HDAC9: variants seen among roughly 807,000 people sequenced by gnomAD.
HDAC9 encodes the protein histone deacetylase 9.
A neutral mutation model predicts 139.4 loss-of-function variants in HDAC9; 41 were observed. The observed-to-expected ratio is 0.29, with a 90% CI of 0.23 to 0.38. The LOEUF is 0.38. HDAC9 is among the 10% of genes least tolerant of loss of function. The probability of loss-of-function intolerance (pLI) is 1.00; values close to 1 mark genes in which losing one functional copy is unlikely to be tolerated. For synonymous variants in HDAC9, 517 were observed against 476.2 expected (o/e 1.09, Z -1.12); for missense variants, 1,147 against 1,297.0 (o/e 0.88, Z 1.78).
chr7:18,964,136 A>G (rs931304017), intron 24 of HDAC9, among the ~76,000 whole-genome samples: 9 of 152,078 alleles, frequency 5.9e-5, no homozygotes, highest in Admixed American at 1.3e-4. Context: ...GAAACTTACA[A>G]TTACCAAACC....
At chr7:18,385,482 A>G (rs1031618188) in intron 1 of HDAC9, among the ~76,000 whole-genome samples, 4 of 152,218 alleles carry the variant, frequency 2.6e-5, no homozygotes, top group Non-Finnish European at 4.4e-5. Context: ...TTGGAAAGAT[A>G]CATCACTATA....
chr7:18,335,586 A>G (rs1223881014), intron 1 of HDAC9, among the ~76,000 whole-genome samples: 2 of 151,578 alleles, frequency 1.3e-5, no homozygotes, highest in African/African-American at 2.4e-5. Flanking sequence ...AGATAACTTT[A>G]ATTTTAGACA....
At chr7:18,314,973 C>T (rs761438668) in intron 1 of HDAC9, among the ~76,000 whole-genome samples, 61 of 152,278 alleles carry the variant, frequency 4.0e-4, no homozygotes, top group African/African-American at 7.0e-4. Flanking sequence ...AAGGTTCTGT[C>T]TTCAATGGTT....
At chr7:18,568,234 CTT>C (rs1311603614) in intron 2 of HDAC9, among the ~76,000 whole-genome samples, 2 of 151,838 alleles carry the variant, frequency 1.3e-5, no homozygotes, top group African/African-American at 4.8e-5. Context: ...ACTCCTGAAT[CTT>C]TTACTATGGA....
chr7:18,687,399 G>A (rs1281946498), intron 12 of HDAC9, among the ~76,000 whole-genome samples: 1 of 151,736 alleles, frequency 6.6e-6, no homozygotes, highest in Non-Finnish European at 1.5e-5. Context: ...GATATTCAAA[G>A]GTGTATGATA....
chr7:18,415,548 T>C (rs1279825013), intron 1 of HDAC9, among the ~76,000 whole-genome samples: 1 of 152,244 alleles, frequency 6.6e-6, no homozygotes, highest in East Asian at 1.9e-4. Flanking sequence ...AATTATCTTT[T>C]TGGTCTGCTT....
At chr7:18,713,687 C>A (rs1784503942) in intron 12 of HDAC9, among the ~76,000 whole-genome samples, 1 of 151,786 alleles carries the variant, frequency 6.6e-6, no homozygotes, top group South Asian at 2.1e-4. Flanking sequence ...TAAGAAAAAT[C>A]AACATGTGCA....
chr7:18,433,608 T>G (rs1385872875), intron 1 of HDAC9, among the ~76,000 whole-genome samples: 1 of 152,158 alleles, frequency 6.6e-6, no homozygotes, highest in East Asian at 1.9e-4. Flanking sequence ...TCAGTAGCAC[T>G]TCTGTACACC....
intron 1 of HDAC9, among the ~76,000 whole-genome samples, chr7:18,090,067 T>C (rs1782044204): frequency 6.6e-6 from 1 of 152,238 alleles, no homozygotes; most frequent in Admixed American, 6.5e-5. Flanking sequence ...CCCAGTTTGT[T>C]ATTATAATTC....
rs147383456 is a variant in HDAC9, at chr7:18,684,579, A to T, written c.1731+18103A>T. On this transcript the variant is annotated intron_variant, in intron 12 of 25. Transcript: ENST00000686413. Reference sequence around the variant, plus strand: ...GCATCTTCTGATGAACTGTGTCCTAATGAGTGTGAATGGATACCTTTGAGC... The same window carrying T: ...GCATCTTCTGATGAACTGTGTCCTATTGAGTGTGAATGGATACCTTTGAGC... Among the ~76,000 whole-genome samples the T allele has an allele frequency of 3.9e-3, 586 of 152,078 alleles. 3 individuals are homozygous for T. Among genetic ancestry groups the T allele is most frequent in the Middle Eastern group, 0.02 (6 of 294 alleles).
chr7:18,948,386 T>A (rs1192531972), intron 23 of HDAC9, among the ~76,000 whole-genome samples: 1 of 152,022 alleles, frequency 6.6e-6, no homozygotes, highest in Non-Finnish European at 1.5e-5. Context: ...TAATTAAAAA[T>A]CAGTGAAAAT....
intron 17 of HDAC9, among the ~76,000 whole-genome samples, chr7:18,799,062 C>G (rs1215981916): frequency 1.1e-4 from 17 of 150,498 alleles, no homozygotes. Flanking sequence ...CACACACACA[C>G]ACACACACAC....
At chr7:18,360,798 T>A (rs376501419) in intron 1 of HDAC9, among the ~76,000 whole-genome samples, 3 of 152,240 alleles carry the variant, frequency 2.0e-5, no homozygotes, top group African/African-American at 7.2e-5. Context: ...GACATTTTTT[T>A]ATACTTACTT....
At chr7:18,752,838 C>G (rs902022167) in intron 14 of HDAC9, among the ~76,000 whole-genome samples, 8 of 152,132 alleles carry the variant, frequency 5.3e-5, no homozygotes, top group Non-Finnish European at 8.8e-5. Flanking sequence ...GTAGCCACTT[C>G]TGGTAAGAAG....
intron 2 of HDAC9, among the ~76,000 whole-genome samples, chr7:18,579,498 A>G (rs1267415411): frequency 2.6e-5 from 4 of 152,194 alleles, no homozygotes; most frequent in African/African-American, 9.7e-5. Context: ...GAAGGGAGGA[A>G]CAGAAGAAGC....
intron 1 of HDAC9, among the ~76,000 whole-genome samples, chr7:18,098,302 G>T (rs899565107): frequency 1.3e-5 from 2 of 152,172 alleles, no homozygotes; most frequent in African/African-American, 4.8e-5. Flanking sequence ...TCAGTATTGG[G>T]TATATTCAAT....
chr7:18,544,449 G>A (rs1814077354), intron 2 of HDAC9, among the ~76,000 whole-genome samples: 1 of 152,216 alleles, frequency 6.6e-6, no homozygotes, highest in Non-Finnish European at 1.5e-5. Context: ...TCAATGTGGA[G>A]ATGTTGAAGG....
chr7:18,476,629 T>C (rs1434661644), intron 1 of HDAC9, among the ~76,000 whole-genome samples: 1 of 152,122 alleles, frequency 6.6e-6, no homozygotes, highest in East Asian at 1.9e-4. Flanking sequence ...GACTTCATAA[T>C]GTATAAGAAA....
Position 18,585,275 on chromosome 7 carries a change from C to A in HDAC9, c.23-6C>A. 5.2e-6 allele frequency: 7 copies of A among 1,359,120 alleles called. No individual in the cohort carries two copies. The highest frequency in any genetic ancestry group is 4.0e-5 in the Admixed American group (2 of 50,300). 84.2% of individuals were successfully genotyped at this position (1,359,120 alleles called of 1,614,324 possible). A position where few individuals can be genotyped will look rare whatever the true frequency, so the allele number is the denominator to read the frequency against. On this transcript the variant is annotated splice_polypyrimidine_tract_variant and splice_region_variant and intron_variant, in intron 2 of 25. Transcript: ENST00000686413. ...ACCCCATTTCCCTTTTTTTCTGGTT[C>A]TTTAGTGGATGTGAAGTCAGAAGTT... is the stretch of plus-strand genomic sequence containing the variant.
Sources: allele counts gnomAD v4.1 joint callset (sites outside exome capture counted in the v4.1 genomes callset), GRCh38; gene constraint gnomAD v4.1.1; transcripts MANE v1.5; gene names NCBI Gene and HGNC (gene_info 2026-07-23, HGNC 2026-07-21).